Variants in CREB3L2 observed in about 807,000 individuals in gnomAD.
CREB3L2 encodes cyclic AMP-responsive element-binding protein 3-like protein 2.
Under a neutral mutation model 57.2 loss-of-function variants are expected in CREB3L2, and 23 were observed. The ratio of observed to expected loss-of-function variants is 0.40; its 90% CI spans 0.29 to 0.57. The LOEUF (loss-of-function observed/expected upper bound fraction) is 0.57. Among genes scored for constraint, CREB3L2 ranks in the 20% least tolerant of loss-of-function variants. The pLI is 0.42. For missense variants in CREB3L2, 628 were observed against 634.7 expected (o/e 0.99, Z 0.11); for synonymous variants, 268 against 265.1 (o/e 1.01, Z -0.11).
At chr7:137,908,924 C>G (rs564886060) in intron 4 of CREB3L2, among the ~76,000 whole-genome samples, 1 of 152,058 alleles carries the variant, frequency 6.6e-6, no homozygotes, top group Non-Finnish European at 1.5e-5. Context: ...TGCAGTGAGC[C>G]GAGATCATGC....
At chr7:137,885,338 G>A (rs1799391910) in intron 9 of CREB3L2, 65 bp downstream of exon 9, 1 of 1,400,484 alleles carries the variant, frequency 7.1e-7, no homozygotes. Flanking sequence ...TTGGCAAGTG[G>A]AGGGAGAGGG....
intron 2 of CREB3L2, 114 bp from the exon 3 acceptor site, chr7:137,916,126 G>A: frequency 1.4e-6 from 1 of 723,080 alleles, no homozygotes; most frequent in Non-Finnish European, 2.2e-6. Flanking sequence ...ATGATTGAAA[G>A]TAGAATAAAA....
chr7:137,895,666 T>C (rs1425301700), intron 8 of CREB3L2, among the ~76,000 whole-genome samples: 1 of 92,324 alleles, frequency 1.1e-5, no homozygotes, highest in Non-Finnish European at 2.2e-5. Flanking sequence ...AAGAAAACCA[T>C]ACTCAGGATT....
rs561392112 is a variant in CREB3L2 at position 137,875,653 on chromosome 7, C to T, written c.*4823G>A. ...AATTCCTGCCCAGAGAACTTGAAAG[C>T]TTACAGTGTGCTCACAGGAAGGAAT... On this transcript the variant is annotated 3_prime_UTR_variant, in exon 12 of 12. Coordinates refer to ENST00000330387, the MANE Select transcript of CREB3L2 (RefSeq NM_194071.4). The T allele has an allele frequency of 8.9e-5, 20 of 224,488 alleles. No individual in the cohort carries two copies. The South Asian group carries it at 3.3e-3, about 37-fold the overall frequency. 13.9% of individuals were successfully genotyped at this position (224,488 alleles called of 1,614,324 possible). A position where few individuals can be genotyped will look rare whatever the true frequency, so the allele number is the denominator to read the frequency against.
chr7:137,931,342 G>A (rs1003418434), intron 1 of CREB3L2, among the ~76,000 whole-genome samples: 5 of 151,154 alleles, frequency 3.3e-5, no homozygotes, highest in African/African-American at 1.2e-4. Flanking sequence ...CTAACATGGT[G>A]AAACTCTATC....
intron 1 of CREB3L2, among the ~76,000 whole-genome samples, chr7:137,990,781 C>G (rs893883466): frequency 6.6e-6 from 1 of 152,180 alleles, no homozygotes; most frequent in Non-Finnish European, 1.5e-5. Context: ...ATCCTGCAAG[C>G]TCTTTCTCAG....
chr7:137,885,595 T>C, intron 8 of CREB3L2, 93 bp from the exon 9 acceptor site: 1 of 941,768 alleles, frequency 1.1e-6, no homozygotes, highest in Non-Finnish European at 1.7e-6. Context: ...GCCGTGCCTT[T>C]GTGCCTGCAT....
chr7:137,998,980 C>T (rs1802033964), intron 1 of CREB3L2, among the ~76,000 whole-genome samples: 1 of 152,142 alleles, frequency 6.6e-6, no homozygotes, highest in South Asian at 2.1e-4. Context: ...CTCACCCTCC[C>T]CTCAGGCTCT....
chr7:138,000,646 C>G (rs1273347677), intron 1 of CREB3L2, among the ~76,000 whole-genome samples: 1 of 152,108 alleles, frequency 6.6e-6, no homozygotes, highest in Non-Finnish European at 1.5e-5. Flanking sequence ...GGGGAAGCAG[C>G]CAAGCCTCCA....
chr7:137,881,875 T>C (rs2117171523), intron 11 of CREB3L2, among the ~76,000 whole-genome samples: 2 of 152,346 alleles, frequency 1.3e-5, no homozygotes, highest in Middle Eastern at 6.8e-3. Context: ...AATATGGAAA[T>C]GTGTGCACAG....
At chr7:137,902,947 G>T (rs1458611815) in intron 7 of CREB3L2, among the ~76,000 whole-genome samples, 1 of 152,090 alleles carries the variant, frequency 6.6e-6, no homozygotes, top group Non-Finnish European at 1.5e-5. Flanking sequence ...CTCCTGAGTA[G>T]CTGGGACCAC....
intron 3 of CREB3L2, among the ~76,000 whole-genome samples, chr7:137,915,508 C>T (rs1800107989): frequency 6.6e-6 from 1 of 152,100 alleles, no homozygotes; most frequent in Non-Finnish European, 1.5e-5. Context: ...TTCAATCACT[C>T]CCTTTCCACT....
At chr7:137,935,961 C>T in intron 1 of CREB3L2, 1 of 981,142 alleles carries the variant, frequency 1.0e-6, no homozygotes, top group Non-Finnish European at 1.2e-6. Flanking sequence ...TGATCTGGGC[C>T]ACTTCCTGCT....
chr7:137,891,065 C>T (rs1799519999), intron 8 of CREB3L2, among the ~76,000 whole-genome samples: 1 of 152,164 alleles, frequency 6.6e-6, no homozygotes, highest in African/African-American at 2.4e-5. Context: ...TCTTAGCATA[C>T]GTTTATCTGG....
intron 8 of CREB3L2, among the ~76,000 whole-genome samples, chr7:137,887,907 A>G (rs1444897498): frequency 1.3e-5 from 2 of 152,118 alleles, no homozygotes; most frequent in African/African-American, 2.4e-5. Flanking sequence ...GATTGAATGT[A>G]GTTTAGACCT....
intron 1 of CREB3L2, among the ~76,000 whole-genome samples, chr7:137,999,025 A>C (rs1802034544): frequency 6.6e-6 from 1 of 152,178 alleles, no homozygotes; most frequent in South Asian, 2.1e-4. Flanking sequence ...ATCATTCCAA[A>C]AACAGGCACT....
At chr7:137,994,896 TGA>T (rs1801960803) in intron 1 of CREB3L2, among the ~76,000 whole-genome samples, 1 of 152,226 alleles carries the variant, frequency 6.6e-6, no homozygotes. Context: ...CCCATGTTCA[TGA>T]GAAAAGAAAC....
chr7:137,922,289 A>G (rs767660923), intron 2 of CREB3L2, among the ~76,000 whole-genome samples: 3 of 149,254 alleles, frequency 2.0e-5, no homozygotes, highest in Non-Finnish European at 3.0e-5. Context: ...TTCTGTGTTT[A>G]TTTGTTCTGG....
intron 2 of CREB3L2, among the ~76,000 whole-genome samples, chr7:137,926,800 A>T (rs1432644638): frequency 6.6e-6 from 1 of 152,184 alleles, no homozygotes. Flanking sequence ...TAGAGTTTTT[A>T]AAATTTAAAG....
Sources: gnomAD v4.1 joint callset for allele counts (sites outside exome capture counted in the v4.1 genomes callset) on GRCh38, gnomAD v4.1.1 for gene constraint, MANE v1.5 for transcripts, NCBI Gene and HGNC (gene_info 2026-07-23, HGNC 2026-07-21) for gene names.